ANKUB1: variants seen among roughly 807,000 people sequenced by gnomAD.
The protein encoded by ANKUB1 is ankyrin repeat and ubiquitin domain containing 1.
A neutral mutation model predicts 49.3 loss-of-function variants in ANKUB1; 42 were observed. The observed-to-expected ratio is 0.85, with a 90% CI of 0.67 to 1.10. The LOEUF is 1.10. Ranked by LOEUF, ANKUB1 falls within the 50% of genes least tolerant of loss-of-function variation. The pLI, the probability that ANKUB1 is intolerant of heterozygous loss-of-function variation, is 0.00. For missense variants in ANKUB1, 613 were observed against 642.0 expected (o/e 0.95, Z 0.49); for synonymous variants, 222 against 231.0 (o/e 0.96, Z 0.35).
At chr3:149,766,309 T>C (rs1359571658) in intron 5 of ANKUB1, among the ~76,000 whole-genome samples, 1 of 152,192 alleles carries the variant, frequency 6.6e-6, no homozygotes, top group East Asian at 1.9e-4. Context: ...TCAATTCAAG[T>C]CTTTAATCAT....
chr3:149,790,964 T>TA (rs1273320559), intron 1 of ANKUB1, 40 bp from the exon 2 acceptor site: 1 of 1,528,708 alleles, frequency 6.5e-7, no homozygotes. Context: ...AGTACATCCT[T>TA]ACGTTACTAG....
chr3:149,790,660 G>T, intron 2 of ANKUB1, 121 bp downstream of exon 2: 2 of 972,862 alleles, frequency 2.1e-6, no homozygotes, highest in Non-Finnish European at 1.5e-6. Flanking sequence ...AAATGGAAGT[G>T]AGGAGAAGGC....
intron 2 of ANKUB1, among the ~76,000 whole-genome samples, chr3:149,781,004 T>C (rs1458397712): frequency 6.7e-6 from 1 of 148,836 alleles, no homozygotes; most frequent in Non-Finnish European, 1.5e-5. Context: ...TGTCTTCCTT[T>C]TTTTTTTTTT....
At chr3:149,781,989 T>G (rs887043723) in intron 2 of ANKUB1, among the ~76,000 whole-genome samples, 3 of 152,212 alleles carry the variant, frequency 2.0e-5, no homozygotes, top group African/African-American at 7.2e-5. Flanking sequence ...CACGCCGTGC[T>G]TTCCTATGGT....
intron 5 of ANKUB1, among the ~76,000 whole-genome samples, chr3:149,764,884 G>C (rs1356247120): frequency 6.6e-6 from 1 of 151,112 alleles, no homozygotes; most frequent in Non-Finnish European, 1.5e-5. Flanking sequence ...CACACTGGTA[G>C]TCTCTTTTAA....
chr3:149,790,827 G>A lies in ANKUB1; in HGVS notation c.188C>T (p.Ala63Val). 1.9e-6 allele frequency: 3 copies of A among 1,551,958 alleles called. No individual in the cohort carries two copies. Among genetic ancestry groups the A allele is most frequent in the Non-Finnish European group, 2.6e-6 (3 of 1,146,994 alleles). Residue 63 changes from alanine (A) to valine (V), a missense_variant, in exon 2 of 6, where the codon GCT becomes GTT. By Grantham distance (64) the Ala-to-Val change is moderately conservative. Coordinates refer to ENST00000446160, the MANE Select transcript of ANKUB1 (RefSeq NM_001144960.3). ...TGAACAGAAAGATATTCCAACATCA[G>A]CAAGACTCCAACTGTCCTTTAGAGC... ...GAALKDSWSL[A>V]DVGISFCSTL...
Position 149,790,865 on chromosome 3 carries a change from C to A in ANKUB1, c.150G>T (p.Met50Ile). ...DKQGRRYLEL[M>I]YAGAALKDSW... ...TGTCCTTTAGAGCAGCTCCAGCATA[C>A]ATTAACTCCAGATACCGCCTGCCTT... The change falls in exon 2 of 6, where the codon ATG becomes ATT. Residue 50 changes from methionine (M) to isoleucine (I), a missense_variant. Coordinates refer to ENST00000446160, the MANE Select transcript of ANKUB1 (RefSeq NM_001144960.3). 6.4e-7 allele frequency: 1 copy of A among 1,552,198 alleles called. No individual in the cohort carries two copies. The highest frequency in any genetic ancestry group is 8.7e-7 in the Non-Finnish European group (1 of 1,147,056).
rs1191955717 is a variant in ANKUB1 at position 149,787,232 on chromosome 3, G to A, written c.234+3549C>T. On this transcript the variant is annotated intron_variant, in intron 2 of 5. Transcript: ENST00000446160. ...ATGGAATGTTCTTCCATTTGTTTGT[G>A]TCCTCTTTTATTTCGTTGAGCAGTG... 2.6e-5 allele frequency among the ~76,000 whole-genome samples: 4 copies of A among 151,906 alleles called. No individual in the cohort carries two copies. The South Asian group carries it at 6.3e-4, about 24-fold the overall frequency.
chr3:149,762,993 T>C (rs1173222328), intron 5 of ANKUB1, among the ~76,000 whole-genome samples: 1 of 152,246 alleles, frequency 6.6e-6, no homozygotes, highest in Non-Finnish European at 1.5e-5. Flanking sequence ...TGGCAAAGTC[T>C]GGTATTTCTA....
intron 5 of ANKUB1, among the ~76,000 whole-genome samples, chr3:149,763,565 T>C (rs1218852342): frequency 1.3e-5 from 2 of 152,210 alleles, no homozygotes; most frequent in Non-Finnish European, 2.9e-5. Context: ...TTATCATCTA[T>C]TCTCAGTCCA....
rs559188800 is a variant in ANKUB1 at position 149,762,222 on chromosome 3, G to A, written c.1506-609C>T. 6.4e-4 allele frequency among the ~76,000 whole-genome samples: 98 copies of A among 152,232 alleles called. 1 individual carries two copies. The highest frequency in any genetic ancestry group is 2.3e-3 in the African/African-American group (97 of 41,536). The stretch of plus-strand genomic sequence containing the variant: ...CTCTTTCTACACCCTCATCCTAGGA[G>A]TCCTCATTTACTCACTGTTTAAATT... On this transcript the variant is annotated intron_variant, in intron 5 of 5. Transcript: ENST00000446160.
Position 149,767,364 on chromosome 3 carries a change from GT to G in ANKUB1, c.1297del (p.Thr433GlnfsTer9). 1 of 1,550,850 alleles carries G rather than the reference GT, an allele frequency of 6.4e-7. No individual in the cohort carries two copies. Among genetic ancestry groups the G allele is most frequent in the Non-Finnish European group, 8.7e-7 (1 of 1,146,824 alleles). ...QQQNQKKITA[T>X]ARKKEKLIKN... ...TATGAGCTTTTCTTTTTTCCTAGCT[GT>G]GGCAGTAATTTTTTTCTGATTTTGT... is the stretch of plus-strand genomic sequence containing the variant. On this transcript the variant is annotated frameshift_variant, in exon 5 of 6. Coordinates refer to ENST00000446160, the MANE Select transcript of ANKUB1 (RefSeq NM_001144960.3). LOFTEE classifies it high-confidence loss of function.
intron 4 of ANKUB1, among the ~76,000 whole-genome samples, chr3:149,768,453 G>A (rs1412022824): frequency 6.6e-6 from 1 of 152,156 alleles, no homozygotes; most frequent in East Asian, 1.9e-4. Context: ...AAGTATAGAT[G>A]GTCAAGCACA....
chr3:149,773,863 G>A (rs1342666874), intron 3 of ANKUB1, among the ~76,000 whole-genome samples: 1 of 152,142 alleles, frequency 6.6e-6, no homozygotes, highest in African/African-American at 2.4e-5. Flanking sequence ...TCCCGTAGGA[G>A]GGAATTTATT....
intron 3 of ANKUB1, among the ~76,000 whole-genome samples, chr3:149,776,358 C>T (rs1717595942): frequency 6.6e-6 from 1 of 152,066 alleles, no homozygotes. Flanking sequence ...TAAGACATTC[C>T]TCTCTATATT....
chr3:149,780,991 G>A (rs1417314151), intron 2 of ANKUB1, among the ~76,000 whole-genome samples: 4 of 145,670 alleles, frequency 2.7e-5, no homozygotes, highest in Non-Finnish European at 6.0e-5. Context: ...TATCTTTCTT[G>A]TCTGTCTTCC....
At chr3:149,770,311 G>A (rs1017438617) in intron 4 of ANKUB1, among the ~76,000 whole-genome samples, 1 of 152,106 alleles carries the variant, frequency 6.6e-6, no homozygotes, top group Non-Finnish European at 1.5e-5. Context: ...ATTGTTCAAA[G>A]GTTAATTGTA....
Position 149,792,393 on chromosome 3 carries a change from A to T in ANKUB1, c.-27T>A. 6.9e-7 allele frequency: 1 copy of T among 1,450,688 alleles called. No homozygotes were observed. The highest frequency in any genetic ancestry group is 1.4e-5 in the South Asian group (1 of 71,710). 89.9% of individuals were successfully genotyped at this position (1,450,688 alleles called of 1,614,324 possible). On this transcript the variant is annotated 5_prime_UTR_variant, in exon 1 of 6. Coordinates refer to ENST00000446160, the MANE Select transcript of ANKUB1 (RefSeq NM_001144960.3). Reference sequence around the variant, plus strand: ...GTACAATTACCTTTTCAAACAAAAAATATCCAACTTTTTCAAAGATTCTCC... The same window carrying T: ...GTACAATTACCTTTTCAAACAAAAATTATCCAACTTTTTCAAAGATTCTCC...
intron 2 of ANKUB1, among the ~76,000 whole-genome samples, 182 bp downstream of exon 2, chr3:149,790,599 C>G (rs1718316139): frequency 6.6e-6 from 1 of 152,172 alleles, no homozygotes; most frequent in African/African-American, 2.4e-5. Flanking sequence ...TATCCCTTCT[C>G]CATGTCTTAC....
Sources: allele counts gnomAD v4.1 joint callset (sites outside exome capture counted in the v4.1 genomes callset), GRCh38; gene constraint gnomAD v4.1.1; transcripts MANE v1.5; gene names NCBI Gene and HGNC (gene_info 2026-07-23, HGNC 2026-07-21).